Variants in ZDHHC15 observed in about 807,000 individuals in gnomAD.
ZDHHC15 encodes zDHHC palmitoyltransferase 15, also known as palmitoyltransferase ZDHHC15.
Under a neutral mutation model 31.7 loss-of-function variants are expected in ZDHHC15, and 19 were observed. The observed-to-expected ratio is 0.60, with a 90% CI of 0.42 to 0.88. ZDHHC15 has a LOEUF of 0.88. ZDHHC15 is among the 40% of genes least tolerant of loss of function. The pLI, the probability that ZDHHC15 is intolerant of heterozygous loss-of-function variation, is 0.00. For synonymous variants in ZDHHC15, 103 were observed against 90.0 expected (o/e 1.14, Z -0.82); for missense variants, 209 against 251.2 (o/e 0.83, Z 1.14).
chrX:75,446,145 A>G (rs142204109), intron 4 of ZDHHC15, among the ~76,000 whole-genome samples: 1,544 of 112,157 alleles, frequency 0.014, 19 homozygotes, highest in African/African-American at 0.047. Context: ...AACAAATACT[A>G]ATGTTGGAAA....
intron 8 of ZDHHC15, 95 bp from the exon 9 acceptor site, chrX:75,422,085 G>T: frequency 9.8e-7 from 1 of 1,021,868 alleles, no homozygotes; most frequent in Non-Finnish European, 1.3e-6. Flanking sequence ...CCATGTATGT[G>T]ACTTGGTTCT....
chrX:75,444,410 T>C (rs6647739), intron 4 of ZDHHC15, among the ~76,000 whole-genome samples: 17,925 of 89,422 alleles, frequency 0.2, 2,095 homozygotes, highest in East Asian at 0.85. Context: ...TAGGTGGGAA[T>C]TGAATAGTGA....
chrX:75,372,462 G>C lies in ZDHHC15; in HGVS notation c.*516C>G, dbSNP rs772155738. 1.8e-5 allele frequency: 2 copies of C among 111,596 alleles called. No individual in the cohort carries two copies. The highest frequency in any genetic ancestry group is 6.5e-5 in the African/African-American group (2 of 30,767). 9.2% of individuals were successfully genotyped at this position (111,596 alleles called of 1,213,427 possible). A position where few individuals can be genotyped will look rare whatever the true frequency, so the allele number is the denominator to read the frequency against. ...AAAGCATAATTAAACAAAGGCTTCAGGTTTTTAGCCCTGATTTTCACACTA... is the reference window on the plus strand; with the variant it reads ...AAAGCATAATTAAACAAAGGCTTCACGTTTTTAGCCCTGATTTTCACACTA... On this transcript the variant is annotated 3_prime_UTR_variant, in exon 12 of 12. Transcript: ENST00000373367.
chrX:75,388,095 T>C (rs1326685924), intron 10 of ZDHHC15, among the ~76,000 whole-genome samples: 1 of 112,163 alleles, frequency 8.9e-6, no homozygotes, highest in Non-Finnish European at 1.9e-5. Context: ...TCCAGCAAAG[T>C]TATCCTTCAA....
chrX:75,461,205 T>C, intron 3 of ZDHHC15, among the ~76,000 whole-genome samples: 2 of 111,823 alleles, frequency 1.8e-5, no homozygotes, highest in South Asian at 7.5e-4. Flanking sequence ...TTGAAGACTA[T>C]CTTTCTGAAA....
intron 7 of ZDHHC15, among the ~76,000 whole-genome samples, chrX:75,427,725 G>A (rs997927086): frequency 3.6e-5 from 4 of 111,502 alleles, no homozygotes; most frequent in African/African-American, 1.3e-4. Flanking sequence ...CAAAGGAAGA[G>A]ATGATGAAGC....
rs1212816112 is a variant in ZDHHC15 at position 75,474,444 on chromosome X, T to TAC, written c.258+4446_258+4447insGT. On this transcript the variant is annotated intron_variant, in intron 3 of 11. Transcript: ENST00000373367. ...TAATAAACTCCCCTTTATATATATA[T>TAC]ATATACACACACACACACACACACA... Among the ~76,000 whole-genome samples, 88 of 42,651 alleles carry TAC rather than the reference T, an allele frequency of 2.1e-3. 1 individual carries two copies. The East Asian group carries it at 0.09, about 44-fold the overall frequency. The allele number at this position is 42,651 out of a possible 115,157, so 37.0% of individuals were successfully genotyped here.
At chrX:75,443,551 G>A (rs1234004776) in intron 4 of ZDHHC15, among the ~76,000 whole-genome samples, 2 of 112,030 alleles carry the variant, frequency 1.8e-5, no homozygotes, top group East Asian at 2.8e-4. Context: ...TCAGGACATA[G>A]GCATGGTCAA....
chrX:75,462,930 C>T (rs2084342493), intron 3 of ZDHHC15, among the ~76,000 whole-genome samples: 1 of 110,835 alleles, frequency 9.0e-6, no homozygotes, highest in Non-Finnish European at 1.9e-5. Context: ...CAGAGCTGAA[C>T]TGAAGGAGAC....
At position 75,396,051 on chromosome X, in the gene ZDHHC15, A is replaced by C. The variant is rs773734200; in HGVS notation, c.968-16853T>G. ...TCAAAATATGAAACTATGAAATAAA[A>C]CTTTTGGGGAAATTCTTCAGGACAT... On this transcript the variant is annotated intron_variant, in intron 10 of 11. Transcript: ENST00000373367. Among the ~76,000 whole-genome samples, 204 of 112,284 alleles carry C rather than the reference A, an allele frequency of 1.8e-3. 1 individual carries two copies. The highest frequency in any genetic ancestry group is 6.4e-3 in the African/African-American group (197 of 30,939).
Position 75,370,241 on chromosome X carries a change from A to G in ZDHHC15, c.*2737T>C, listed in dbSNP as rs2082993052. On this transcript the variant is annotated 3_prime_UTR_variant, in exon 12 of 12. Coordinates refer to ENST00000373367, the MANE Select transcript of ZDHHC15 (RefSeq NM_144969.3). ...CTTCATTTTGCAAACGGAGAAAATG[A>G]GTATCAACAATTAGGGAATGAGATT... 9.0e-6 allele frequency: 1 copy of G among 111,651 alleles called. No individual in the cohort carries two copies. Among genetic ancestry groups the G allele is most frequent in the East Asian group, 2.8e-4 (1 of 3,556 alleles). 9.2% of individuals were successfully genotyped at this position (111,651 alleles called of 1,213,427 possible).
At chrX:75,379,470 C>A (rs1170012699) in intron 10 of ZDHHC15, among the ~76,000 whole-genome samples, 1 of 112,102 alleles carries the variant, frequency 8.9e-6, no homozygotes, top group Non-Finnish European at 1.9e-5. Flanking sequence ...ATGATGACAG[C>A]TCAACATAAT....
At chrX:75,401,654 A>G (rs1457697742) in intron 10 of ZDHHC15, among the ~76,000 whole-genome samples, 1 of 112,404 alleles carries the variant, frequency 8.9e-6, no homozygotes, top group African/African-American at 3.2e-5. Context: ...AGGGCATTAC[A>G]TAATGGTAAA....
At chrX:75,383,208 T>A (rs190717822) in intron 10 of ZDHHC15, among the ~76,000 whole-genome samples, 81 of 112,445 alleles carry the variant, frequency 7.2e-4, no homozygotes, top group African/African-American at 2.5e-3. Context: ...AATGGGGTTA[T>A]TTAATGTTTA....
chrX:75,391,696 T>C (rs753965335), intron 10 of ZDHHC15, among the ~76,000 whole-genome samples: 1 of 112,332 alleles, frequency 8.9e-6, no homozygotes, highest in South Asian at 3.7e-4. Context: ...GCAGAAGTGT[T>C]CTATAAGAAA....
At chrX:75,466,295 G>A (rs1254011698) in intron 3 of ZDHHC15, among the ~76,000 whole-genome samples, 2 of 111,885 alleles carry the variant, frequency 1.8e-5, no homozygotes, top group African/African-American at 6.5e-5. Flanking sequence ...AAAAGCAACA[G>A]ATGCTGACAA....
intron 1 of ZDHHC15, among the ~76,000 whole-genome samples, chrX:75,517,272 A>G (rs1253048201): frequency 1.8e-5 from 2 of 111,635 alleles, no homozygotes; most frequent in Non-Finnish European, 3.8e-5. Context: ...ATGTTACTAT[A>G]AAGACACATG....
At chrX:75,450,028 A>C (rs1204140953) in intron 4 of ZDHHC15, among the ~76,000 whole-genome samples, 8 of 112,035 alleles carry the variant, frequency 7.1e-5, no homozygotes, top group African/African-American at 1.9e-4. Context: ...TAATAACTAA[A>C]CACTAGAAAC....
chrX:75,474,573 T>TACAC (rs375925139), intron 3 of ZDHHC15, among the ~76,000 whole-genome samples: 5,546 of 64,139 alleles, frequency 0.086, 296 homozygotes, highest in Admixed American at 0.1. Context: ...ATCCCCTTTA[T>TACAC]ACACACACAC....
Sources: allele counts gnomAD v4.1 joint callset (sites outside exome capture counted in the v4.1 genomes callset), GRCh38; gene constraint gnomAD v4.1.1; transcripts MANE v1.5; gene names NCBI Gene and HGNC (gene_info 2026-07-23, HGNC 2026-07-21).